RUNX1: variants seen among roughly 807,000 people sequenced by gnomAD.
The protein encoded by RUNX1 is runt-related transcription factor 1.
In RUNX1, 19 loss-of-function variants were observed where a neutral mutation model predicts 42.8. The ratio of observed to expected loss-of-function variants is 0.44; its 90% CI spans 0.31 to 0.65. The LOEUF (loss-of-function observed/expected upper bound fraction) is 0.65, where lower values mean the gene tolerates loss of function less well. RUNX1 is among the 30% of genes least tolerant of loss of function. RUNX1 has a pLI of 0.07. For missense variants in RUNX1, 528 were observed against 672.0 expected, an observed-to-expected ratio of 0.79 and a Z score of 2.37; for synonymous variants, 271 against 289.4, an observed-to-expected ratio of 0.94 and a Z score of 0.64.
At chr21:35,047,591 T>TCC (rs2059409320) in intron 2 of RUNX1, among the ~76,000 whole-genome samples, 1 of 149,232 alleles carries the variant, frequency 6.7e-6, no homozygotes. Flanking sequence ...TCTCTCTCTC[T>TCC]CTCTCTCATC....
At chr21:34,953,861 C>G (rs1164149210) in intron 2 of RUNX1, among the ~76,000 whole-genome samples, 1 of 152,092 alleles carries the variant, frequency 6.6e-6, no homozygotes, top group Non-Finnish European at 1.5e-5. Flanking sequence ...AAGAAGGTAT[C>G]AAGAAAAGCT....
At chr21:34,852,666 C>G (rs7279383) in intron 6 of RUNX1, among the ~76,000 whole-genome samples, 23,608 of 152,152 alleles carry the variant, frequency 0.16, 1,954 homozygotes, top group Middle Eastern at 0.23. Flanking sequence ...ATGTGAGTCA[C>G]GACAGCATTT....
chr21:34,834,294 C>T, intron 7 of RUNX1, 116 bp downstream of exon 7: 4 of 1,103,562 alleles, frequency 3.6e-6, no homozygotes, highest in Non-Finnish European at 5.5e-6. Flanking sequence ...AGGCCTTTCT[C>T]TGAGCATCAA....
intron 2 of RUNX1, among the ~76,000 whole-genome samples, chr21:34,985,464 G>A (rs1187958507): frequency 6.6e-6 from 1 of 152,234 alleles, no homozygotes; most frequent in Non-Finnish European, 1.5e-5. Context: ...AGTAGAAGCT[G>A]TGGATGGAAG....
At chr21:34,868,249 G>T (rs181075756) in intron 5 of RUNX1, among the ~76,000 whole-genome samples, 1 of 152,098 alleles carries the variant, frequency 6.6e-6, no homozygotes, top group South Asian at 2.1e-4. Context: ...CATGCCTGGC[G>T]CTGCTTGAAA....
chr21:34,802,070 C>T (rs1354089465), intron 7 of RUNX1, among the ~76,000 whole-genome samples: 2 of 152,182 alleles, frequency 1.3e-5, no homozygotes, highest in African/African-American at 2.4e-5. Flanking sequence ...TTTACTTGTA[C>T]ATTAAGCAGA....
At chr21:35,008,340 T>C (rs542407566) in intron 2 of RUNX1, among the ~76,000 whole-genome samples, 6 of 152,346 alleles carry the variant, frequency 3.9e-5, no homozygotes, top group Non-Finnish European at 1.5e-5. Context: ...GGTGGTTATT[T>C]CTTCACATTC....
intron 2 of RUNX1, among the ~76,000 whole-genome samples, chr21:34,981,513 A>G (rs755375473): frequency 3.9e-5 from 6 of 152,214 alleles, no homozygotes; most frequent in Non-Finnish European, 8.8e-5. Flanking sequence ...GCTTAAGCTC[A>G]CCCAGGAATG....
rs61238560 is a variant in RUNX1, at chr21:34,865,279, C to CGTGTGTGT, written c.509-5709_509-5702dup. On this transcript the variant is annotated intron_variant, in intron 5 of 8. Transcript: ENST00000675419. Reference sequence around the variant, plus strand: ...GTCTGACATGAGGAGGGGTTTTGTGCGTGTGTGTGTGTGTGTGTGTGTGTG... The same window carrying CGTGTGTGT: ...GTCTGACATGAGGAGGGGTTTTGTGCGTGTGTGTGTGTGTGTGTGTGTGTGTGTGTGTG... Among the ~76,000 whole-genome samples the CGTGTGTGT allele has an allele frequency of 5.2e-3, 684 of 132,462 alleles. 5 individuals are homozygous for CGTGTGTGT. Among genetic ancestry groups the CGTGTGTGT allele is most frequent in the Admixed American group, 8.2e-3 (107 of 13,084 alleles). The allele number at this position is 132,462 out of a possible 152,430, so 86.9% of individuals were successfully genotyped here.
chr21:34,865,947 T>A (rs1441554737), intron 5 of RUNX1, among the ~76,000 whole-genome samples: 1 of 152,212 alleles, frequency 6.6e-6, no homozygotes, highest in Non-Finnish European at 1.5e-5. Context: ...AATCCTCCTA[T>A]AACACCCCGT....
At chr21:35,017,966 T>C (rs1049563580) in intron 2 of RUNX1, among the ~76,000 whole-genome samples, 5 of 152,140 alleles carry the variant, frequency 3.3e-5, no homozygotes, top group East Asian at 3.8e-4. Context: ...ATGGAGAGTA[T>C]AGTATATTGT....
chr21:34,788,036 T>TAG lies in RUNX1; in HGVS notation c.*4097_*4098dup, dbSNP rs898465812. 2 of 233,320 alleles carry TAG rather than the reference T, an allele frequency of 8.6e-6. No individual in the cohort carries two copies. The highest frequency in any genetic ancestry group is 4.4e-5 in the African/African-American group (2 of 45,464). The allele number at this position is 233,320 out of a possible 1,614,324, so 14.5% of individuals were successfully genotyped here. ...GCAGTGCCTGCTCTCCTGTGCTATC[T>TAG]AGAAACACCTTGGAGAGAGGGTTCT... On this transcript the variant is annotated 3_prime_UTR_variant, in exon 9 of 9. Coordinates refer to ENST00000675419, the MANE Select transcript of RUNX1 (RefSeq NM_001754.5).
At chr21:34,964,100 G>C (rs1174465105) in intron 2 of RUNX1, among the ~76,000 whole-genome samples, 1 of 152,168 alleles carries the variant, frequency 6.6e-6, no homozygotes, top group Non-Finnish European at 1.5e-5. Context: ...GGGGATACGT[G>C]CTGACCACTG....
chr21:34,910,115 C>A (rs2058260243), intron 2 of RUNX1, among the ~76,000 whole-genome samples: 1 of 152,228 alleles, frequency 6.6e-6, no homozygotes, highest in African/African-American at 2.4e-5. Flanking sequence ...TTCTACAAAC[C>A]AGCTGGAACA....
At chr21:34,957,392 G>A (rs975455307) in intron 2 of RUNX1, among the ~76,000 whole-genome samples, 1 of 152,172 alleles carries the variant, frequency 6.6e-6, no homozygotes, top group African/African-American at 2.4e-5. Flanking sequence ...GCCCTTACCT[G>A]GGGCAAGCCA....
chr21:35,009,538 T>G (rs954946404), intron 2 of RUNX1, among the ~76,000 whole-genome samples: 1 of 152,198 alleles, frequency 6.6e-6, no homozygotes, highest in African/African-American at 2.4e-5. Flanking sequence ...GACACACTTA[T>G]ATGAGCATCT....
At chr21:34,820,621 G>C (rs1184078235) in intron 7 of RUNX1, among the ~76,000 whole-genome samples, 3 of 151,252 alleles carry the variant, frequency 2.0e-5, no homozygotes, top group Non-Finnish European at 4.4e-5. Context: ...GTGAGCCTGG[G>C]TGACAAGAGT....
chr21:35,032,991 C>G (rs1039915680), intron 2 of RUNX1, among the ~76,000 whole-genome samples: 21 of 152,144 alleles, frequency 1.4e-4, no homozygotes, highest in African/African-American at 4.8e-4. Flanking sequence ...TCTATCCATC[C>G]ATCCCTCTAT....
intron 3 of RUNX1, chr21:34,888,318 A>G (rs1417321647): frequency 4.1e-5 from 44 of 1,067,490 alleles, no homozygotes; most frequent in East Asian, 4.9e-5. Flanking sequence ...CTCGGGTTAC[A>G]CACGCACGCA....
Sources: gnomAD v4.1 joint callset for allele counts (sites outside exome capture counted in the v4.1 genomes callset) on GRCh38, gnomAD v4.1.1 for gene constraint, MANE v1.5 for transcripts, NCBI Gene and HGNC (gene_info 2026-07-23, HGNC 2026-07-21) for gene names.